CAPRIN1: variants seen among roughly 807,000 people sequenced by gnomAD.
CAPRIN1 encodes the protein cell cycle associated protein 1.
Under a neutral mutation model 100.9 loss-of-function variants are expected in CAPRIN1, and 29 were observed. That is an observed-to-expected ratio of 0.29 (90% CI 0.21 to 0.39). The LOEUF (loss-of-function observed/expected upper bound fraction) is 0.39, where lower values mean the gene tolerates loss of function less well. Ranked by LOEUF, CAPRIN1 falls within the 10% of genes least tolerant of loss-of-function variation. The pLI is 1.00. For missense variants in CAPRIN1, 795 were observed against 876.7 expected (o/e 0.91, Z 1.18); for synonymous variants, 338 against 307.5 (o/e 1.10, Z -1.04).
chr11:34,058,837 G>T (rs1590719351), intron 2 of CAPRIN1, among the ~76,000 whole-genome samples: 1 of 152,160 alleles, frequency 6.6e-6, no homozygotes, highest in Non-Finnish European at 1.5e-5. Flanking sequence ...TTGTAGACCG[G>T]AAAAATCTGG....
intron 15 of CAPRIN1, among the ~76,000 whole-genome samples, chr11:34,094,848 T>C (rs889470792): frequency 1.3e-5 from 2 of 152,166 alleles, no homozygotes; most frequent in African/African-American, 4.8e-5. Context: ...ACTTAAGTTA[T>C]TATGCTGTGA....
At position 34,097,744 on chromosome 11, in the gene CAPRIN1, C is replaced by T; in HGVS notation, c.2048C>T (p.Pro683Leu). The change falls in exon 18 of 19, where the codon CCA becomes CTA. Residue 683 changes from proline to leucine, a missense_variant. Around this residue, in one of 3 missense-constraint regions of CAPRIN1, gnomAD observed 648 missense variants for 697.9 expected, o/e 0.93. Coordinates refer to ENST00000341394, the MANE Select transcript of CAPRIN1 (RefSeq NM_005898.5). Reference sequence around the variant, plus strand: ...AAGCGAGGCTCTGGGCAGAGTGGACCACGGGGAGCCCCACGAGGTAATATT... The same window carrying T: ...AAGCGAGGCTCTGGGCAGAGTGGACTACGGGGAGCCCCACGAGGTAATATT... ...NFKRGSGQSG[P>L]RGAPRGRGGP... 6.2e-7 allele frequency: 1 copy of T among 1,614,028 alleles called. No homozygotes were observed. The highest frequency in any genetic ancestry group is 8.5e-7 in the Non-Finnish European group (1 of 1,179,942).
Position 34,079,746 on chromosome 11 carries a change from A to C in CAPRIN1, c.807A>C (p.Glu269Asp). The change falls in exon 7 of 19, where the codon GAA becomes GAC. Residue 269 changes from glutamate to aspartate, a missense_variant. Physicochemically the swap from Glu to Asp is conservative, Grantham distance 45. Transcript: ENST00000341394. ...EEEAASAPAV[E>D]DQVPEAEPEP... The stretch of plus-strand genomic sequence containing the variant: ...AGGCAGCCTCAGCACCTGCAGTTGA[A>C]GACCAGGTACCTGAAGCTGGTGAGT... 6.2e-7 allele frequency: 1 copy of C among 1,614,110 alleles called. No homozygotes were observed. The highest frequency in any genetic ancestry group is 8.5e-7 in the Non-Finnish European group (1 of 1,179,986).
intron 2 of CAPRIN1, among the ~76,000 whole-genome samples, chr11:34,054,519 C>A (rs112394180): frequency 6.6e-6 from 1 of 152,094 alleles, no homozygotes; most frequent in Non-Finnish European, 1.5e-5. Context: ...CCTCCACCTC[C>A]CGGGTTCAAG....
chr11:34,082,973 A>G lies in CAPRIN1; in HGVS notation c.898A>G (p.Met300Val). The change falls in exon 9 of 19, where the codon ATG becomes GTG. Residue 300 changes from methionine (M) to valine (V), a missense_variant. Physicochemically the swap from Met to Val is conservative, Grantham distance 21. Around this residue, in one of 3 missense-constraint regions of CAPRIN1, gnomAD observed 648 missense variants for 697.9 expected, o/e 0.93. Coordinates refer to ENST00000341394, the MANE Select transcript of CAPRIN1 (RefSeq NM_005898.5). ...TTTGCAGTATGTAAATAGACAGTTC[A>G]TGGCAGAAACACAGTTCACCAGTGG... ...ESTEYVNRQFMAETQFTSGEK... is the reference protein window; with the variant it reads ...ESTEYVNRQFVAETQFTSGEK... The G allele has an allele frequency of 6.2e-7, 1 of 1,614,152 alleles. No homozygotes were observed. The highest frequency in any genetic ancestry group is 1.3e-5 in the African/African-American group (1 of 75,064).
At position 34,090,252 on chromosome 11, in the gene CAPRIN1, A is replaced by G. The variant is rs1231903173; in HGVS notation, c.1367A>G (p.Glu456Gly). The change falls in exon 13 of 19, where the codon GAG (glutamate) becomes GGG (glycine). Residue 456 changes from glutamate (E) to glycine (G), a missense_variant. Around this residue, in one of 3 missense-constraint regions of CAPRIN1, gnomAD observed 648 missense variants for 697.9 expected, o/e 0.93. Transcript: ENST00000341394. ...TTGTACCAGCCTTCTCATGCTACAG[A>G]GCAACGACCACAGAAGGAACCAATT... ...QPLYQPSHATEQRPQKEPIDQ... is the reference protein window; with the variant it reads ...QPLYQPSHATGQRPQKEPIDQ... 6.2e-7 allele frequency: 1 copy of G among 1,613,988 alleles called. No individual in the cohort carries two copies. Among genetic ancestry groups the G allele is most frequent in the Non-Finnish European group, 8.5e-7 (1 of 1,179,874 alleles).
At chr11:34,078,415 C>T (rs566090385) in intron 6 of CAPRIN1, among the ~76,000 whole-genome samples, 2 of 152,312 alleles carry the variant, frequency 1.3e-5, no homozygotes, top group Middle Eastern at 6.8e-3. Context: ...ACATCTCCCC[C>T]TCTGCCCTGC....
At chr11:34,091,741 A>G (rs1839612007) in intron 14 of CAPRIN1, 165 bp from the exon 15 acceptor site, 5 of 613,722 alleles carry the variant, frequency 8.1e-6, no homozygotes, top group Non-Finnish European at 1.4e-5. Context: ...CTTTTTCCAC[A>G]TTGAATCACT....
chr11:34,094,707 G>A (rs1298430083), intron 15 of CAPRIN1, among the ~76,000 whole-genome samples: 2 of 152,162 alleles, frequency 1.3e-5, no homozygotes, highest in Non-Finnish European at 1.5e-5. Flanking sequence ...TAAGGCCGGA[G>A]GATCACTTGA....
chr11:34,064,234 C>T (rs1472342873), intron 2 of CAPRIN1, among the ~76,000 whole-genome samples: 1 of 151,058 alleles, frequency 6.6e-6, no homozygotes, highest in Non-Finnish European at 1.5e-5. Context: ...TGTCTGGAGC[C>T]CTTTATTACT....
rs1057211761 is a variant in CAPRIN1, at chr11:34,100,633, T to A, written c.*1266T>A. The A allele has an allele frequency of 6.6e-6, 1 of 152,324 alleles. No homozygotes were observed. Among genetic ancestry groups the A allele is most frequent in the South Asian group, 2.1e-4 (1 of 4,838 alleles). The allele number at this position is 152,324 out of a possible 1,614,324, so 9.4% of individuals were successfully genotyped here. On this transcript the variant is annotated 3_prime_UTR_variant, in exon 19 of 19. Coordinates refer to ENST00000341394, the MANE Select transcript of CAPRIN1 (RefSeq NM_005898.5). Reference sequence around the variant, plus strand: ...TCTAGTACTTGCACTTATTATCTTTTGTCTAATTTAACCTTAACTGAATTC... The same window carrying A: ...TCTAGTACTTGCACTTATTATCTTTAGTCTAATTTAACCTTAACTGAATTC...
intron 2 of CAPRIN1, among the ~76,000 whole-genome samples, chr11:34,061,100 T>A (rs1469555182): frequency 6.6e-6 from 1 of 152,184 alleles, no homozygotes; most frequent in Non-Finnish European, 1.5e-5. Context: ...GATTGGCTTT[T>A]ATCTTTTTTA....
At chr11:34,078,096 A>G (rs903986711) in intron 6 of CAPRIN1, among the ~76,000 whole-genome samples, 1 of 152,204 alleles carries the variant, frequency 6.6e-6, no homozygotes, top group African/African-American at 2.4e-5. Flanking sequence ...ATGGAAAGGT[A>G]CTAATCTTTA....
At chr11:34,073,420 G>A (rs887847256) in intron 4 of CAPRIN1, among the ~76,000 whole-genome samples, 9 of 152,152 alleles carry the variant, frequency 5.9e-5, no homozygotes, top group Non-Finnish European at 1.3e-4. Context: ...AGTATTTGAT[G>A]CATAACTAAT....
In CAPRIN1 at chr11:34,089,381, G is replaced by C; in HGVS notation, c.1232-14G>C. On this transcript the variant is annotated splice_polypyrimidine_tract_variant and intron_variant, in intron 11 of 18. Coordinates refer to ENST00000341394, the MANE Select transcript of CAPRIN1 (RefSeq NM_005898.5). Reference sequence around the variant, plus strand: ...TAATTTTGTTTGACAAAAATGTTTTGGTCACCTTTGCAGTTCATTCTGAAT... The same window carrying C: ...TAATTTTGTTTGACAAAAATGTTTTCGTCACCTTTGCAGTTCATTCTGAAT... 1 of 1,557,652 alleles carries C rather than the reference G, an allele frequency of 6.4e-7. No homozygotes were observed. The highest frequency in any genetic ancestry group is 8.7e-7 in the Non-Finnish European group (1 of 1,144,348).
chr11:34,099,019 G>T, intron 18 of CAPRIN1: 1 of 1,282,474 alleles, frequency 7.8e-7, no homozygotes, highest in Non-Finnish European at 1.0e-6. Context: ...ATGGTGCCTG[G>T]CACATAGTAG....
At chr11:34,073,894 C>T (rs77922904) in intron 4 of CAPRIN1, among the ~76,000 whole-genome samples, 2,574 of 152,280 alleles carry the variant, frequency 0.017, 51 homozygotes, top group African/African-American at 0.059. Context: ...AAATTTGTTT[C>T]TCACACTTCT....
At chr11:34,097,353 T>A in intron 17 of CAPRIN1, 57 bp downstream of exon 17, 1 of 1,334,782 alleles carries the variant, frequency 7.5e-7, no homozygotes, top group South Asian at 1.2e-5. Context: ...TGAAAGTGAC[T>A]TAGTGTTGTT....
At chr11:34,093,662 T>C (rs1851307344) in intron 15 of CAPRIN1, among the ~76,000 whole-genome samples, 1 of 152,156 alleles carries the variant, frequency 6.6e-6, no homozygotes, top group South Asian at 2.1e-4. Context: ...TCAGTTATAC[T>C]ATGCTCAGCT....
Sources: gnomAD v4.1 joint callset for allele counts (sites outside exome capture counted in the v4.1 genomes callset) on GRCh38, gnomAD v4.1.1 for gene constraint, gnomAD v4.1.1 regional missense constraint, MANE v1.5 for transcripts, NCBI Gene and HGNC (gene_info 2026-07-23, HGNC 2026-07-21) for gene names.